The following CYSTM1 variants were observed in gnomAD, a reference collection of about 807,000 sequenced individuals.
The protein encoded by CYSTM1 is cysteine-rich transmembrane module-containing protein 1.
A neutral mutation model predicts 13.1 loss-of-function variants in CYSTM1; 4 were observed. That is an observed-to-expected ratio of 0.31 (90% CI 0.15 to 0.70). The LOEUF (loss-of-function observed/expected upper bound fraction) is 0.70, where lower values mean the gene tolerates loss of function less well. Ranked by LOEUF, CYSTM1 falls within the 30% of genes least tolerant of loss-of-function variation. The pLI, the probability that CYSTM1 is intolerant of heterozygous loss-of-function variation, is 0.72. For missense variants in CYSTM1, 96 were observed against 121.6 expected (o/e 0.79, Z 0.99); for synonymous variants, 36 against 42.7 (o/e 0.84, Z 0.62).
chr5:140,234,947 TG>T (rs1300133520), intron 2 of CYSTM1, among the ~76,000 whole-genome samples: 10 of 150,704 alleles, frequency 6.6e-5, no homozygotes, highest in African/African-American at 9.8e-5. Flanking sequence ...TTCTTCTGCC[TG>T]GTATATCAGC....
intron 1 of CYSTM1, among the ~76,000 whole-genome samples, chr5:140,191,031 T>C (rs1212380810): frequency 6.6e-6 from 1 of 152,208 alleles, no homozygotes; most frequent in African/African-American, 2.4e-5. Context: ...TGTGTCAGTG[T>C]TAGGTAATCT....
At chr5:140,208,680 C>A (rs1764327049) in intron 2 of CYSTM1, among the ~76,000 whole-genome samples, 2 of 151,984 alleles carry the variant, frequency 1.3e-5, no homozygotes, top group Admixed American at 1.3e-4. Flanking sequence ...ATCTCATGTA[C>A]CCCATAAATA....
intron 1 of CYSTM1, among the ~76,000 whole-genome samples, chr5:140,188,066 T>G (rs896364930): frequency 1.3e-5 from 2 of 148,356 alleles, no homozygotes; most frequent in African/African-American, 2.5e-5. Context: ...TTTGTTAATT[T>G]TAACTTTTTT....
chr5:140,190,079 T>C (rs1764072549), intron 1 of CYSTM1, among the ~76,000 whole-genome samples: 1 of 152,198 alleles, frequency 6.6e-6, no homozygotes, highest in African/African-American at 2.4e-5. Context: ...ATTAGGAGAC[T>C]GTACTGTATG....
At chr5:140,226,875 C>T (rs1237252450) in intron 2 of CYSTM1, among the ~76,000 whole-genome samples, 2 of 151,728 alleles carry the variant, frequency 1.3e-5, no homozygotes, top group Non-Finnish European at 2.9e-5. Context: ...TGGGCACTAC[C>T]AAGGGTCAGC....
At chr5:140,211,637 C>G (rs146188125) in intron 2 of CYSTM1, among the ~76,000 whole-genome samples, 3 of 152,294 alleles carry the variant, frequency 2.0e-5, no homozygotes, top group Non-Finnish European at 4.4e-5. Flanking sequence ...GAACCTCGTA[C>G]AGCAAATACC....
chr5:140,191,851 C>T (rs565101295), intron 1 of CYSTM1, among the ~76,000 whole-genome samples: 1 of 152,222 alleles, frequency 6.6e-6, no homozygotes, highest in African/African-American at 2.4e-5. Context: ...CTGTGTTAAC[C>T]AGGGCTCACT....
At chr5:140,200,118 A>G (rs1467251465) in intron 2 of CYSTM1, 1 of 152,060 alleles carries the variant, frequency 6.6e-6, no homozygotes, top group Non-Finnish European at 1.5e-5. Flanking sequence ...GAAGCTCTTT[A>G]GTTTAATTAG....
chr5:140,233,499 C>G lies in CYSTM1; in HGVS notation c.188-9806C>G, dbSNP rs549150447. On this transcript the variant is annotated intron_variant, in intron 2 of 2. Coordinates refer to ENST00000261811, the MANE Select transcript of CYSTM1 (RefSeq NM_032412.4). ...TGTGTGAACCTAAGTTTTCATTTCTCTAAGCTGAATACCCAGGAGTGGAAT... is the reference window on the plus strand; with the variant it reads ...TGTGTGAACCTAAGTTTTCATTTCTGTAAGCTGAATACCCAGGAGTGGAAT... Among the ~76,000 whole-genome samples the G allele has an allele frequency of 4.6e-5, 7 of 152,286 alleles. No homozygotes were observed. In the East Asian group the frequency reaches 1.3e-3, roughly 29 times the overall value.
chr5:140,218,246 A>G (rs1764454596), intron 2 of CYSTM1, among the ~76,000 whole-genome samples: 1 of 151,846 alleles, frequency 6.6e-6, no homozygotes, highest in African/African-American at 2.4e-5. Context: ...TCCCATTTCC[A>G]TGTCTCTTGT....
At chr5:140,192,719 C>T (rs1427608082) in intron 1 of CYSTM1, among the ~76,000 whole-genome samples, 1 of 152,230 alleles carries the variant, frequency 6.6e-6, no homozygotes. Flanking sequence ...CACTTCAGAA[C>T]CAGTCCCAGT....
At chr5:140,209,038 CAA>C (rs58604987) in intron 2 of CYSTM1, among the ~76,000 whole-genome samples, 20 of 91,344 alleles carry the variant, frequency 2.2e-4, no homozygotes, top group South Asian at 3.7e-4. Flanking sequence ...GACTCCATCT[CAA>C]AAAAAAAAAA....
intron 1 of CYSTM1, among the ~76,000 whole-genome samples, chr5:140,186,928 C>T (rs1764021024): frequency 6.6e-6 from 1 of 152,020 alleles, no homozygotes; most frequent in Non-Finnish European, 1.5e-5. Flanking sequence ...GAGCTCAAGA[C>T]CAGCCTGGCC....
At chr5:140,229,719 C>G (rs568222036) in intron 2 of CYSTM1, among the ~76,000 whole-genome samples, 1 of 151,440 alleles carries the variant, frequency 6.6e-6, no homozygotes, top group East Asian at 2.0e-4. Flanking sequence ...TTTTTTGAGA[C>G]CTAGTTTTGC....
At position 140,230,162 on chromosome 5, in the gene CYSTM1, G is replaced by A. The variant is rs983177302; in HGVS notation, c.188-13143G>A. Among the ~76,000 whole-genome samples the A allele has an allele frequency of 2.0e-5, 3 of 152,184 alleles. No homozygotes were observed. Among genetic ancestry groups the A allele is most frequent in the African/African-American group, 4.8e-5 (2 of 41,448 alleles). ...GCTGGGATTACAGGCGTAAGCCACC[G>A]CGCACCTGGCCCTGAATTTATTTTT... On this transcript the variant is annotated intron_variant, in intron 2 of 2. Transcript: ENST00000261811. The surrounding 1 kb of genome is among the most constrained non-coding windows in gnomAD (Gnocchi z 4.1).
chr5:140,182,795 A>T (rs1332937495), intron 1 of CYSTM1, among the ~76,000 whole-genome samples: 1 of 152,184 alleles, frequency 6.6e-6, no homozygotes, highest in Non-Finnish European at 1.5e-5. Flanking sequence ...GAATCCTATG[A>T]AAACAGAAGA....
At chr5:140,179,376 T>C (rs973416893) in intron 1 of CYSTM1, among the ~76,000 whole-genome samples, 1 of 151,888 alleles carries the variant, frequency 6.6e-6, no homozygotes, top group Admixed American at 6.5e-5. Flanking sequence ...CTGGCCAACA[T>C]GGCGAAACCC....
intron 2 of CYSTM1, among the ~76,000 whole-genome samples, chr5:140,238,973 G>A (rs1271194995): frequency 1.3e-5 from 2 of 152,196 alleles, no homozygotes; most frequent in Non-Finnish European, 2.9e-5. Context: ...GGTGCCCATC[G>A]CTGGTCTGGG....
At chr5:140,186,276 A>C (rs1764014496) in intron 1 of CYSTM1, among the ~76,000 whole-genome samples, 1 of 152,240 alleles carries the variant, frequency 6.6e-6, no homozygotes. Context: ...AAAGAAATAA[A>C]GAATAACGAT....
Sources: gnomAD v4.1 joint callset for allele counts (sites outside exome capture counted in the v4.1 genomes callset) on GRCh38, gnomAD v4.1.1 for gene constraint, Gnocchi (gnomAD v3.1) non-coding constraint, MANE v1.5 for transcripts, NCBI Gene and HGNC (gene_info 2026-07-23, HGNC 2026-07-21) for gene names.